The following OR2L3 variants were observed in gnomAD, a reference collection of about 807,000 sequenced individuals.
OR2L3 encodes olfactory receptor 2L3.
For synonymous variants in OR2L3, 131 were observed against 139.1 expected (o/e 0.94, Z 0.41); for missense variants, 369 against 376.6 (o/e 0.98, Z 0.17).
chr1:248,054,460 T>A (rs1183714098), intron 1 of OR2L3, among the ~76,000 whole-genome samples: 1 of 152,154 alleles, frequency 6.6e-6, no homozygotes, highest in East Asian at 1.9e-4. Context: ...AAATAGTTCT[T>A]TTTTTCTAAT....
chr1:248,050,084 G>A (rs1246369302), intron 1 of OR2L3, among the ~76,000 whole-genome samples: 4 of 152,150 alleles, frequency 2.6e-5, no homozygotes, highest in Non-Finnish European at 5.9e-5. Flanking sequence ...AGGTGCCAAT[G>A]TGTGGAGAGA....
chr1:248,062,642 A>T lies in OR2L3; in HGVS notation c.*1022A>T, dbSNP rs1376947083. 3.3e-5 allele frequency: 5 copies of T among 152,244 alleles called. No individual in the cohort carries two copies. The highest frequency in any genetic ancestry group is 7.3e-5 in the Non-Finnish European group (5 of 68,052). The allele number at this position is 152,244 out of a possible 1,614,324, so 9.4% of individuals were successfully genotyped here. A position where few individuals can be genotyped will look rare whatever the true frequency, so the allele number is the denominator to read the frequency against. ...AAAATATAATTAGATAGAATGAATA[A>T]GAGTATTTGATAGCACAATAGAGTA... On this transcript the variant is annotated 3_prime_UTR_variant, in exon 2 of 2. Coordinates refer to ENST00000359959, the MANE Select transcript of OR2L3 (RefSeq NM_001004687.2).
chr1:248,051,794 T>C (rs989733463), intron 1 of OR2L3, among the ~76,000 whole-genome samples: 1 of 152,172 alleles, frequency 6.6e-6, no homozygotes, highest in Non-Finnish European at 1.5e-5. Context: ...TATTATTTTA[T>C]TTATTTCATT....
At chr1:248,047,850 G>A (rs1199067287) in intron 1 of OR2L3, among the ~76,000 whole-genome samples, 1 of 152,090 alleles carries the variant, frequency 6.6e-6, no homozygotes, top group African/African-American at 2.4e-5. Context: ...AAACTTGCAG[G>A]TTCTCTTCAG....
At chr1:248,054,352 T>C (rs1039169339) in intron 1 of OR2L3, among the ~76,000 whole-genome samples, 1 of 152,224 alleles carries the variant, frequency 6.6e-6, no homozygotes, top group Non-Finnish European at 1.5e-5. Context: ...AAGTTTATGT[T>C]ACTGTAGCTT....
In OR2L3 at chr1:248,060,916, A is replaced by C. The variant is rs1663606331; in HGVS notation, c.235A>C (p.Lys79Gln). 1 of 1,613,766 alleles carries C rather than the reference A, an allele frequency of 6.2e-7. No individual in the cohort carries two copies. The highest frequency in any genetic ancestry group is 1.7e-5 in the Admixed American group (1 of 59,994). The change falls in exon 2 of 2, where the codon AAG becomes CAG. Residue 79 changes from lysine (K) to glutamine (Q), a missense_variant. Transcript: ENST00000359959. ...AAATTACATCTCCACCATTGTTCCT[A>C]AGATGGCATCTGATTTTCTGTCTGG... is the stretch of plus-strand genomic sequence containing the variant. ...DLNYISTIVP[K>Q]MASDFLSGNK... is the part of the protein sequence containing the mutation.
At chr1:248,054,943 T>G (rs1663385342) in intron 1 of OR2L3, among the ~76,000 whole-genome samples, 1 of 152,166 alleles carries the variant, frequency 6.6e-6, no homozygotes, top group Non-Finnish European at 1.5e-5. Context: ...TTTCCTTTGA[T>G]TGATTGCCCT....
chr1:248,056,913 G>C (rs547655893), intron 1 of OR2L3, among the ~76,000 whole-genome samples: 1 of 152,210 alleles, frequency 6.6e-6, no homozygotes, highest in African/African-American at 2.4e-5. Context: ...GCCTCCCAAA[G>C]TGCTGGGATT....
intron 1 of OR2L3, among the ~76,000 whole-genome samples, chr1:248,053,225 T>C (rs540383674): frequency 6.6e-6 from 1 of 152,298 alleles, no homozygotes; most frequent in South Asian, 2.1e-4. Context: ...TGTTCCTGCA[T>C]TAGTTTGCTG....
intron 1 of OR2L3, among the ~76,000 whole-genome samples, chr1:248,048,919 C>G (rs1420750662): frequency 7.2e-6 from 1 of 138,194 alleles, no homozygotes; most frequent in Non-Finnish European, 1.5e-5. Flanking sequence ...CCTTTTCTCT[C>G]TCTCTTTTTT....
At chr1:248,051,736 A>C (rs1037989463) in intron 1 of OR2L3, among the ~76,000 whole-genome samples, 2 of 152,120 alleles carry the variant, frequency 1.3e-5, no homozygotes, top group African/African-American at 4.8e-5. Context: ...ATAAAAAAAA[A>C]TCCAAAAATG....
At position 248,061,433 on chromosome 1, in the gene OR2L3, A is replaced by G. The variant is rs1297584178; in HGVS notation, c.752A>G (p.Tyr251Cys). The change falls in exon 2 of 2, where the codon TAT becomes TGT. Residue 251 changes from tyrosine to cysteine, a missense_variant. Coordinates refer to ENST00000359959, the MANE Select transcript of OR2L3 (RefSeq NM_001004687.2). ...STHLTVVTFY[Y>C]APFVYTYLRP... ...CACCTCACTGTAGTAACTTTCTACTATGCACCTTTTGTCTACACTTATCTA... is the reference window on the plus strand; with the variant it reads ...CACCTCACTGTAGTAACTTTCTACTGTGCACCTTTTGTCTACACTTATCTA... The G allele has an allele frequency of 7.4e-6, 12 of 1,613,944 alleles. No homozygotes were observed. The highest frequency in any genetic ancestry group is 1.0e-5 in the Non-Finnish European group (12 of 1,180,006).
chr1:248,059,484 A>G (rs1313523450), intron 1 of OR2L3, among the ~76,000 whole-genome samples: 1 of 152,212 alleles, frequency 6.6e-6, no homozygotes, highest in Non-Finnish European at 1.5e-5. Flanking sequence ...CCTATTTGGT[A>G]AGGCATCTGC....
chr1:248,054,876 C>A (rs1274190873), intron 1 of OR2L3, among the ~76,000 whole-genome samples: 1 of 152,124 alleles, frequency 6.6e-6, no homozygotes, highest in African/African-American at 2.4e-5. Context: ...AGAATCATAT[C>A]ATCTGAAACA....
chr1:248,058,064 G>T (rs970019680), intron 1 of OR2L3, among the ~76,000 whole-genome samples: 2 of 152,086 alleles, frequency 1.3e-5, no homozygotes, highest in African/African-American at 4.8e-5. Flanking sequence ...AGTCAAAGCT[G>T]CCAGTCTTTC....
chr1:248,056,452 C>T lies in OR2L3; in HGVS notation c.-21-4209C>T, dbSNP rs187327966. The stretch of plus-strand genomic sequence containing the variant: ...TCTTTTAGTTGTGATGTTAGGGTGT[C>T]GATGTGAGATCTTTCTAGCTTTTTG... On this transcript the variant is annotated intron_variant, in intron 1 of 1. Transcript: ENST00000359959. Among the ~76,000 whole-genome samples the T allele has an allele frequency of 2.6e-5, 4 of 152,002 alleles. 1 individual carries two copies. The highest frequency in any genetic ancestry group is 6.8e-3 in the Middle Eastern group (2 of 294).
intron 1 of OR2L3, among the ~76,000 whole-genome samples, chr1:248,054,358 A>C (rs1337235735): frequency 6.6e-6 from 1 of 152,108 alleles, no homozygotes; most frequent in East Asian, 1.9e-4. Flanking sequence ...ATGTTACTGT[A>C]GCTTTGTAGT....
chr1:248,047,697 T>C (rs924297470), intron 1 of OR2L3, among the ~76,000 whole-genome samples: 1 of 152,054 alleles, frequency 6.6e-6, no homozygotes, highest in Non-Finnish European at 1.5e-5. Flanking sequence ...CCACACAGAG[T>C]TTTGTGAGAA....
intron 1 of OR2L3, among the ~76,000 whole-genome samples, chr1:248,056,283 A>G (rs1185369463): frequency 6.6e-6 from 1 of 151,790 alleles, no homozygotes; most frequent in East Asian, 1.9e-4. Flanking sequence ...TACCTAGTTT[A>G]TTGATTTTTT....
Sources: allele counts gnomAD v4.1 joint callset (sites outside exome capture counted in the v4.1 genomes callset), GRCh38; gene constraint gnomAD v4.1.1; transcripts MANE v1.5; gene names NCBI Gene and HGNC (gene_info 2026-07-23, HGNC 2026-07-21).